Variants in UBA3 observed in about 807,000 individuals in gnomAD.
UBA3 encodes NEDD8-activating enzyme E1 catalytic subunit.
Under a neutral mutation model 73.5 loss-of-function variants are expected in UBA3, and 26 were observed. The observed-to-expected ratio is 0.35, with a 90% CI of 0.26 to 0.49. UBA3 has a LOEUF of 0.49. Among genes scored for constraint, UBA3 ranks in the 20% least tolerant of loss-of-function variants. The pLI is 0.98. For missense variants in UBA3, 495 were observed against 555.6 expected, an observed-to-expected ratio of 0.89 and a Z score of 1.10; for synonymous variants, 217 against 191.2, an observed-to-expected ratio of 1.13 and a Z score of -1.11.
intron 6 of UBA3, among the ~76,000 whole-genome samples, chr3:69,066,810 TA>T (rs2092075713): frequency 1.3e-5 from 2 of 152,224 alleles, no homozygotes; most frequent in South Asian, 4.1e-4. Context: ...ATCTTTTAAC[TA>T]TGGATATGAA....
intron 6 of UBA3, among the ~76,000 whole-genome samples, chr3:69,064,800 G>C (rs1396408701): frequency 1.3e-5 from 2 of 152,020 alleles, no homozygotes; most frequent in Non-Finnish European, 2.9e-5. Context: ...GCAAAAACTT[G>C]TTTTAATTTT....
rs1191739924 is a variant in UBA3, at chr3:69,069,952, A to G, written c.347+1583T>C. Among the ~76,000 whole-genome samples, 3 of 152,336 alleles carry G rather than the reference A, an allele frequency of 2.0e-5. No individual in the cohort carries two copies. The East Asian group carries it at 5.8e-4, about 29-fold the overall frequency. On this transcript the variant is annotated intron_variant, in intron 5 of 17. Coordinates refer to ENST00000361055, the MANE Select transcript of UBA3 (RefSeq NM_003968.4). ...GAAACAATCAGATTGCTCCACCTCAATAAAATGGCCTTTCACACACATCAT... is the reference window on the plus strand; with the variant it reads ...GAAACAATCAGATTGCTCCACCTCAGTAAAATGGCCTTTCACACACATCAT...
intron 6 of UBA3, among the ~76,000 whole-genome samples, chr3:69,067,242 T>C (rs2092080050): frequency 6.6e-6 from 1 of 152,218 alleles, no homozygotes; most frequent in Non-Finnish European, 1.5e-5. Context: ...TTGGTTTCTT[T>C]CATCAGCATT....
intron 4 of UBA3, among the ~76,000 whole-genome samples, chr3:69,073,622 A>G (rs998105118): frequency 2.0e-5 from 3 of 151,640 alleles, no homozygotes; most frequent in African/African-American, 4.8e-5. Flanking sequence ...TTGCTCAATC[A>G]GTAATATTAG....
In UBA3 at chr3:69,055,981, T is replaced by G. The variant is rs1378131450; in HGVS notation, c.1248+19A>C. The G allele has an allele frequency of 6.2e-7, 1 of 1,601,450 alleles. No homozygotes were observed. Among genetic ancestry groups the G allele is most frequent in the East Asian group, 2.2e-5 (1 of 44,680 alleles). ...TTGATATAATTTTCTGAAAAAAATTTAAAATACACATTGATAACCTGTAAG... is the reference window on the plus strand; with the variant it reads ...TTGATATAATTTTCTGAAAAAAATTGAAAATACACATTGATAACCTGTAAG... On this transcript the variant is annotated intron_variant, in intron 16 of 17. Transcript: ENST00000361055.
intron 10 of UBA3, 65 bp from the exon 11 acceptor site, chr3:69,061,992 T>A: frequency 7.0e-7 from 1 of 1,436,120 alleles, no homozygotes. Flanking sequence ...CACAAAACAA[T>A]GTTTTTAATG....
chr3:69,080,015 C>A, intron 2 of UBA3, 97 bp downstream of exon 2: 1 of 1,211,042 alleles, frequency 8.3e-7, no homozygotes, highest in Non-Finnish European at 1.2e-6. Context: ...GTGTCCCCCT[C>A]CCAGCCCCCC....
At chr3:69,057,006 T>A (rs1409695388) in intron 12 of UBA3, among the ~76,000 whole-genome samples, 191 bp from the exon 13 acceptor site, 5 of 152,216 alleles carry the variant, frequency 3.3e-5, no homozygotes, top group African/African-American at 9.6e-5. Context: ...TAACACTACA[T>A]GTTTTTCTTG....
Position 69,062,831 on chromosome 3 carries a change from C to G in UBA3, c.693+151G>C, listed in dbSNP as rs901599291. On this transcript the variant is annotated intron_variant, in intron 9 of 17. Coordinates refer to ENST00000361055, the MANE Select transcript of UBA3 (RefSeq NM_003968.4). ...GGTTCATATCTTTCCTCAAATAGAG[C>G]AGAATTTCATATTTTATCTTTCTTC... 8 of 931,960 alleles carry G rather than the reference C, an allele frequency of 8.6e-6. No individual in the cohort carries two copies. The Admixed American group carries it at 1.7e-4, about 19-fold the overall frequency. The allele number at this position is 931,960 out of a possible 1,614,324, so 57.7% of individuals were successfully genotyped here.
intron 5 of UBA3, among the ~76,000 whole-genome samples, chr3:69,070,554 C>T (rs1167339455): frequency 6.6e-6 from 1 of 152,162 alleles, no homozygotes; most frequent in Non-Finnish European, 1.5e-5. Context: ...ACACTTTTAC[C>T]TAAACTACTC....
intron 3 of UBA3, among the ~76,000 whole-genome samples, chr3:69,077,107 C>CTT (rs80255626): frequency 7.2e-6 from 1 of 139,252 alleles, no homozygotes. Flanking sequence ...AATTCTTTTT[C>CTT]TTTTTTTTTT....
intron 17 of UBA3, 23 bp from the exon 18 acceptor site, chr3:69,055,548 A>C (rs759319199): frequency 1.3e-6 from 2 of 1,536,684 alleles, no homozygotes; most frequent in Non-Finnish European, 1.8e-6. Context: ...AAATATTATT[A>C]ATACAAGCAA....
intron 2 of UBA3, among the ~76,000 whole-genome samples, chr3:69,078,278 A>G (rs1250607004): frequency 6.6e-6 from 1 of 152,146 alleles, no homozygotes; most frequent in African/African-American, 2.4e-5. Flanking sequence ...AGCTTCCTCA[A>G]TCTGTTGTTT....
intron 14 of UBA3, 95 bp from the exon 15 acceptor site, chr3:69,056,378 C>A: frequency 9.0e-7 from 1 of 1,109,074 alleles, no homozygotes; most frequent in Non-Finnish European, 1.3e-6. Flanking sequence ...GTTTTATAAT[C>A]ATGCATATTT....
chr3:69,072,796 T>C (rs1177628145), intron 4 of UBA3, among the ~76,000 whole-genome samples: 1 of 152,152 alleles, frequency 6.6e-6, no homozygotes, highest in Non-Finnish European at 1.5e-5. Flanking sequence ...CTTTTCCAGA[T>C]CTTCCTCATT....
At chr3:69,061,118 C>A (rs192444724) in intron 11 of UBA3, among the ~76,000 whole-genome samples, 1 of 152,338 alleles carries the variant, frequency 6.6e-6, no homozygotes, top group Admixed American at 6.5e-5. Context: ...TGATCACTGT[C>A]CTCAATATGT....
At chr3:69,061,715 G>T in intron 11 of UBA3, 99 bp downstream of exon 11, 1 of 671,674 alleles carries the variant, frequency 1.5e-6, no homozygotes, top group Non-Finnish European at 2.5e-6. Flanking sequence ...AACTTCAAGT[G>T]GATGGTACTG....
rs373344217 is a variant in UBA3 at position 69,077,929 on chromosome 3, C to G, written c.63-11G>C. The G allele has an allele frequency of 6.2e-7, 1 of 1,611,672 alleles. No individual in the cohort carries two copies. Among genetic ancestry groups the G allele is most frequent in the South Asian group, 1.1e-5 (1 of 90,608 alleles). Reference sequence around the variant, plus strand: ...CCATCAACAGCCATTCTGCACAGAACACAGTAAATTCAGCTGCAAAGATCA... The same window carrying G: ...CCATCAACAGCCATTCTGCACAGAAGACAGTAAATTCAGCTGCAAAGATCA... On this transcript the variant is annotated splice_polypyrimidine_tract_variant and intron_variant, in intron 2 of 17. Coordinates refer to ENST00000361055, the MANE Select transcript of UBA3 (RefSeq NM_003968.4).
chr3:69,077,001 A>G (rs1330224671), intron 3 of UBA3, among the ~76,000 whole-genome samples: 1 of 151,978 alleles, frequency 6.6e-6, no homozygotes, highest in Non-Finnish European at 1.5e-5. Context: ...ATCATTTAAC[A>G]GAAGTAACAA....
Sources: gnomAD v4.1 joint callset for allele counts (sites outside exome capture counted in the v4.1 genomes callset) on GRCh38, gnomAD v4.1.1 for gene constraint, MANE v1.5 for transcripts, NCBI Gene and HGNC (gene_info 2026-07-23, HGNC 2026-07-21) for gene names.